Variants in ZNF536 observed in about 807,000 individuals in gnomAD.
ZNF536 encodes zinc finger protein 536.
A neutral mutation model predicts 84.5 loss-of-function variants in ZNF536; 13 were observed. That is an observed-to-expected ratio of 0.15 (90% CI 0.10 to 0.24). The LOEUF (loss-of-function observed/expected upper bound fraction) is 0.24, where lower values mean the gene tolerates loss of function less well. Among genes scored for constraint, ZNF536 ranks in the 10% least tolerant of loss-of-function variants. The pLI is 1.00. For missense variants in ZNF536, 1,536 were observed against 1,747.5 expected, an observed-to-expected ratio of 0.88 and a Z score of 2.16; for synonymous variants, 811 against 742.5, an observed-to-expected ratio of 1.09 and a Z score of -1.50.
intron 1 of ZNF536, among the ~76,000 whole-genome samples, chr19:30,701,191 TCACACACA>T (rs56314262): frequency 5.1e-4 from 76 of 149,984 alleles, no homozygotes; most frequent in Middle Eastern, 3.5e-3. Context: ...TATCTCACTC[TCACACACA>T]CACACACACA....
intron 1 of ZNF536, among the ~76,000 whole-genome samples, chr19:30,647,678 T>C (rs2049527474): frequency 6.6e-6 from 1 of 152,268 alleles, no homozygotes; most frequent in Non-Finnish European, 1.5e-5. Context: ...TTGTGTTTTT[T>C]AAAAGAGCAT....
At chr19:30,398,060 C>T (rs1164655155) in intron 1 of ZNF536, among the ~76,000 whole-genome samples, 3 of 152,198 alleles carry the variant, frequency 2.0e-5, no homozygotes, top group Non-Finnish European at 4.4e-5. Context: ...ATGGAGAGGT[C>T]TTTGGTTTTC....
chr19:30,479,868 T>C (rs2054002075), intron 2 of ZNF536, among the ~76,000 whole-genome samples: 1 of 152,198 alleles, frequency 6.6e-6, no homozygotes, highest in Non-Finnish European at 1.5e-5. Context: ...CTCTTTTTTA[T>C]CTCCGTGGAA....
At chr19:30,436,402 C>A (rs1272603635) in intron 1 of ZNF536, 1 of 684,038 alleles carries the variant, frequency 1.5e-6, no homozygotes, top group African/African-American at 2.0e-5. Context: ...AGTATCCTGC[C>A]CACCCCAGTA....
intron 1 of ZNF536, among the ~76,000 whole-genome samples, chr19:30,245,131 C>T (rs1044009104): frequency 2.0e-5 from 3 of 152,174 alleles, no homozygotes; most frequent in Non-Finnish European, 4.4e-5. Context: ...AGGGCCATAG[C>T]ACACCTGTTT....
intron 4 of ZNF536, 41 bp downstream of exon 4, chr19:30,549,555 A>G: frequency 6.7e-7 from 1 of 1,489,916 alleles, no homozygotes; most frequent in Admixed American, 2.5e-5. Flanking sequence ...ATTTCCCAAA[A>G]CATCAGTGCT....
At chr19:30,536,503 A>T (rs919256172) in intron 3 of ZNF536, among the ~76,000 whole-genome samples, 2 of 152,186 alleles carry the variant, frequency 1.3e-5, no homozygotes, top group Admixed American at 1.3e-4. Flanking sequence ...CACAGGTGGC[A>T]ATATTGTCTA....
chr19:30,545,580 G>T (rs991140092), intron 3 of ZNF536, among the ~76,000 whole-genome samples: 2 of 151,750 alleles, frequency 1.3e-5, no homozygotes, highest in Non-Finnish European at 2.9e-5. Context: ...TGTATTTTTA[G>T]TAGAGACGGG....
At chr19:30,586,193 C>A (rs2047088440) in intron 1 of ZNF536, among the ~76,000 whole-genome samples, 1 of 152,188 alleles carries the variant, frequency 6.6e-6, no homozygotes, top group South Asian at 2.1e-4. Flanking sequence ...AACAGGTTGC[C>A]CAAGTCTCGT....
chr19:30,417,932 A>G lies in ZNF536; in HGVS notation c.-2-25629A>G, dbSNP rs555927226. Among the ~76,000 whole-genome samples, 3 of 152,170 alleles carry G rather than the reference A, an allele frequency of 2.0e-5. No homozygotes were observed. The East Asian group carries it at 5.8e-4, about 29-fold the overall frequency. On this transcript the variant is annotated intron_variant, in intron 1 of 4. Coordinates refer to ENST00000355537, the MANE Select transcript of ZNF536 (RefSeq NM_014717.3). ...CCCAGCAATTTTTTTTTCTATTAGT[A>G]GAGACAAGCTCTTGCTATGTTGCCT...
At chr19:30,529,779 A>G (rs966509402) in intron 2 of ZNF536, among the ~76,000 whole-genome samples, 2 of 152,232 alleles carry the variant, frequency 1.3e-5, no homozygotes, top group Non-Finnish European at 2.9e-5. Context: ...GAAAGCTGGC[A>G]GAGCTTTTGA....
At position 30,414,093 on chromosome 19, in the gene ZNF536, C is replaced by CAAAAA. The variant is rs55650802; in HGVS notation, c.-2-29451_-2-29447dup. 3.0e-4 allele frequency among the ~76,000 whole-genome samples: 25 copies of CAAAAA among 82,780 alleles called. 1 individual carries two copies. The highest frequency in any genetic ancestry group is 1.2e-3 in the East Asian group (3 of 2,518). 54.3% of individuals were successfully genotyped at this position (82,780 alleles called of 152,430 possible). A position where few individuals can be genotyped will look rare whatever the true frequency, so the allele number is the denominator to read the frequency against. ...CGGGCAACAGTGAGAGACTCTGTCT[C>CAAAAA]AAAAAAAAAAAAAAAAAAAAAGTTT... On this transcript the variant is annotated intron_variant, in intron 1 of 4. Transcript: ENST00000355537.
intron 1 of ZNF536, among the ~76,000 whole-genome samples, chr19:30,281,003 A>G (rs984141700): frequency 1.1e-4 from 16 of 152,034 alleles, no homozygotes; most frequent in Admixed American, 3.3e-4. Flanking sequence ...ATTCACAGGG[A>G]TGGGGGTGTG....
At chr19:30,229,191 G>A (rs1054933602) in intron 1 of ZNF536, among the ~76,000 whole-genome samples, 3 of 152,118 alleles carry the variant, frequency 2.0e-5, no homozygotes, top group African/African-American at 4.8e-5. Context: ...ACAAGAGCAG[G>A]AAGGGCTTTT....
chr19:30,666,602 C>T (rs1370188181), intron 1 of ZNF536, among the ~76,000 whole-genome samples: 1 of 151,912 alleles, frequency 6.6e-6, no homozygotes, highest in African/African-American at 2.4e-5. Flanking sequence ...GGAACAGCTC[C>T]GGGCTCTGGG....
At chr19:30,422,654 C>T (rs999107639) in intron 1 of ZNF536, among the ~76,000 whole-genome samples, 1 of 152,118 alleles carries the variant, frequency 6.6e-6, no homozygotes, top group Non-Finnish European at 1.5e-5. Context: ...CATCATTTGC[C>T]CATTCCATCT....
At chr19:30,401,789 G>A (rs1402838352) in intron 1 of ZNF536, among the ~76,000 whole-genome samples, 1 of 152,142 alleles carries the variant, frequency 6.6e-6, no homozygotes, top group Non-Finnish European at 1.5e-5. Context: ...TCAACAACAG[G>A]TACAGAGTTT....
chr19:30,625,132 C>T (rs2048629545), intron 1 of ZNF536, among the ~76,000 whole-genome samples: 1 of 152,158 alleles, frequency 6.6e-6, no homozygotes, highest in Non-Finnish European at 1.5e-5. Flanking sequence ...AAGGAGCCAG[C>T]TTCTCTCACA....
At chr19:30,472,915 G>T (rs2053695310) in intron 2 of ZNF536, among the ~76,000 whole-genome samples, 1 of 151,986 alleles carries the variant, frequency 6.6e-6, no homozygotes, top group African/African-American at 2.4e-5. Context: ...GTAGAGGCCG[G>T]GTGAGGTGGC....
Sources: allele counts gnomAD v4.1 joint callset (sites outside exome capture counted in the v4.1 genomes callset), GRCh38; gene constraint gnomAD v4.1.1; transcripts MANE v1.5; gene names NCBI Gene and HGNC (gene_info 2026-07-23, HGNC 2026-07-21).